The following SVOPL variants were observed in gnomAD, a reference collection of about 807,000 sequenced individuals.
The protein encoded by SVOPL is putative transporter SVOPL.
Under a neutral mutation model 61.0 loss-of-function variants are expected in SVOPL, and 60 were observed. The ratio of observed to expected loss-of-function variants is 0.98; its 90% confidence interval spans 0.80 to 1.22. The LOEUF is 1.22. SVOPL is among the 50% of genes most tolerant of loss of function. The probability of loss-of-function intolerance (pLI) is 0.00; values close to 1 mark genes in which losing one functional copy is unlikely to be tolerated. For missense variants in SVOPL, 662 were observed against 643.9 expected (o/e 1.03, Z -0.30); for synonymous variants, 279 against 250.0 (o/e 1.12, Z -1.09).
At chr7:138,689,188 G>A (rs894111432) in intron 1 of SVOPL, 22 of 1,180,716 alleles carry the variant, frequency 1.9e-5, no homozygotes, top group Non-Finnish European at 2.5e-5. Context: ...GTGGGCAGGT[G>A]TGCCCAGGCC....
At chr7:138,622,897 G>A (rs1363506357) in intron 13 of SVOPL, among the ~76,000 whole-genome samples, 1 of 152,182 alleles carries the variant, frequency 6.6e-6, no homozygotes, top group East Asian at 1.9e-4. Context: ...TAGAATTGTA[G>A]GGAGAATACT....
intron 9 of SVOPL, among the ~76,000 whole-genome samples, chr7:138,637,875 C>T (rs1800573724): frequency 6.6e-6 from 1 of 151,734 alleles, no homozygotes; most frequent in East Asian, 2.0e-4. Context: ...TCGCTTGAAC[C>T]CAGGAGGCAG....
intron 9 of SVOPL, among the ~76,000 whole-genome samples, chr7:138,636,460 C>T (rs1362757045): frequency 6.7e-6 from 1 of 150,244 alleles, no homozygotes; most frequent in Non-Finnish European, 1.5e-5. Flanking sequence ...AAATCTCAAA[C>T]TCTCATAGGA....
chr7:138,609,006 CA>C (rs1421556614), intron 14 of SVOPL, among the ~76,000 whole-genome samples: 1 of 152,116 alleles, frequency 6.6e-6, no homozygotes, highest in African/African-American at 2.4e-5. Context: ...CTTACAGATC[CA>C]TGCTTTAAAG....
intron 1 of SVOPL, among the ~76,000 whole-genome samples, chr7:138,683,109 G>A (rs998193853): frequency 2.0e-5 from 3 of 152,030 alleles, no homozygotes; most frequent in African/African-American, 7.2e-5. Context: ...TGTGACAATG[G>A]TATTATGGCT....
chr7:138,699,816 A>G (rs957807098), intron 1 of SVOPL, among the ~76,000 whole-genome samples: 1 of 152,244 alleles, frequency 6.6e-6, no homozygotes, highest in Non-Finnish European at 1.5e-5. Context: ...AACAGCGTTC[A>G]GTGCCCGTCA....
chr7:138,676,678 T>C (rs188139424), intron 3 of SVOPL, among the ~76,000 whole-genome samples: 201 of 152,332 alleles, frequency 1.3e-3, no homozygotes, highest in Middle Eastern at 3.4e-3. Flanking sequence ...CAGGTGTCTC[T>C]GGTGATTCTT....
chr7:138,666,274 C>T (rs1802258065), intron 4 of SVOPL, among the ~76,000 whole-genome samples: 1 of 152,222 alleles, frequency 6.6e-6, no homozygotes. Flanking sequence ...TCCAAATAAA[C>T]TCATTTCTCT....
rs1386645075 is a variant in SVOPL at position 138,629,267 on chromosome 7, G to T, written c.863+782C>A. Among the ~76,000 whole-genome samples, 3 of 146,960 alleles carry T rather than the reference G, an allele frequency of 2.0e-5. No homozygotes were observed. In the East Asian group the frequency reaches 6.0e-4, roughly 29 times the overall value. On this transcript the variant is annotated intron_variant, in intron 10 of 15. Coordinates refer to ENST00000674285, the MANE Select transcript of SVOPL (RefSeq NM_001139456.2). ...TTTTTTTTTGAGACAGTTTCATGCT[G>T]TCACCCAGGCTTGAGTGCAGTGGTG... is the stretch of plus-strand genomic sequence containing the variant.
chr7:138,596,679 T>A (rs1002207838), intron 14 of SVOPL, 149 bp from the exon 15 acceptor site: 2 of 1,379,592 alleles, frequency 1.4e-6, no homozygotes, highest in African/African-American at 2.9e-5. Context: ...AATTGATTTA[T>A]CTGAGCCAAT....
chr7:138,661,609 C>T (rs1299603368), intron 5 of SVOPL: 1 of 985,228 alleles, frequency 1.0e-6, no homozygotes, highest in Non-Finnish European at 1.2e-6. Context: ...GACGCTCATC[C>T]ATTATCTCCA....
At chr7:138,646,608 A>G (rs1055642839) in intron 8 of SVOPL, among the ~76,000 whole-genome samples, 2 of 152,038 alleles carry the variant, frequency 1.3e-5, no homozygotes, top group African/African-American at 4.8e-5. Context: ...AGCCTTGACC[A>G]ACCAGGCCCG....
chr7:138,632,737 G>A (rs771331270), intron 9 of SVOPL, among the ~76,000 whole-genome samples: 12 of 151,424 alleles, frequency 7.9e-5, no homozygotes, highest in South Asian at 2.1e-4. Flanking sequence ...GGATGGGGGC[G>A]GGAGGAAAAA....
intron 14 of SVOPL, among the ~76,000 whole-genome samples, chr7:138,604,824 T>C (rs1040790123): frequency 1.3e-5 from 2 of 149,382 alleles, no homozygotes; most frequent in Admixed American, 1.3e-4. Context: ...CACTGGAAAA[T>C]AGAAACAAAT....
At chr7:138,695,245 C>T (rs1803040261) in intron 1 of SVOPL, among the ~76,000 whole-genome samples, 1 of 152,214 alleles carries the variant, frequency 6.6e-6, no homozygotes, top group Admixed American at 6.5e-5. Flanking sequence ...GGCACAATGG[C>T]TCACACCTGT....
intron 4 of SVOPL, among the ~76,000 whole-genome samples, chr7:138,668,101 C>T (rs1324284698): frequency 1.3e-5 from 2 of 152,124 alleles, no homozygotes; most frequent in Admixed American, 6.5e-5. Flanking sequence ...GCTGGTACCA[C>T]CCAGACCAAT....
At chr7:138,642,831 CAAAA>C (rs749603417) in intron 9 of SVOPL, among the ~76,000 whole-genome samples, 2 of 26,920 alleles carry the variant, frequency 7.4e-5, no homozygotes, top group African/African-American at 1.5e-4. Context: ...CTCCTACCTC[CAAAA>C]AAAAAAAAAA....
At chr7:138,631,901 C>G (rs188846000) in intron 9 of SVOPL, among the ~76,000 whole-genome samples, 61 of 139,968 alleles carry the variant, frequency 4.4e-4, no homozygotes, top group African/African-American at 1.9e-3. Flanking sequence ...CAATTTATGT[C>G]CCATTTATCC....
At position 138,626,035 on chromosome 7, in the gene SVOPL, G is replaced by A. The variant is rs1174426817; in HGVS notation, c.1197C>T (p.Gly399=). 3 of 1,614,114 alleles carry A rather than the reference G, an allele frequency of 1.9e-6. No individual in the cohort carries two copies. Among genetic ancestry groups the A allele is most frequent in the Non-Finnish European group, 2.5e-6 (3 of 1,180,034 alleles). Residue 399 remains glycine (G), a synonymous_variant, in exon 13 of 16, where the codon GGC becomes GGT. Coordinates refer to ENST00000674285, the MANE Select transcript of SVOPL (RefSeq NM_001139456.2). ...CCAGAGCCCTCAGCATGAAGAGGAA[G>A]CCAATCAGGCCGGCACTAGAAAACA... ...NICTSSAGLI[G]FLFMLRALVA...
Sources: allele counts gnomAD v4.1 joint callset (sites outside exome capture counted in the v4.1 genomes callset), GRCh38; gene constraint gnomAD v4.1.1; transcripts MANE v1.5; gene names NCBI Gene and HGNC (gene_info 2026-07-23, HGNC 2026-07-21).